Variants in SMTN observed in about 807,000 individuals in gnomAD.
SMTN encodes the protein smoothelin.
A neutral mutation model predicts 102.0 loss-of-function variants in SMTN; 58 were observed. The observed-to-expected ratio is 0.57, with a 90% CI of 0.46 to 0.71. SMTN has a LOEUF of 0.71. SMTN is among the 30% of genes least tolerant of loss of function. The pLI is 0.00. For synonymous variants in SMTN, 478 were observed against 497.9 expected, an observed-to-expected ratio of 0.96 and a Z score of 0.53; for missense variants, 1,185 against 1,241.7, an observed-to-expected ratio of 0.95 and a Z score of 0.69.
intron 11 of SMTN, 50 bp downstream of exon 11, chr22:31,091,897 C>T (rs2043169668): frequency 1.4e-6 from 2 of 1,474,364 alleles, no homozygotes; most frequent in East Asian, 2.5e-5. Flanking sequence ...GCCTCACATA[C>T]ACTGCTTCAG....
rs2044045020 is a variant in SMTN, at chr22:31,101,024, T to G, written c.2743T>G (p.Ser915Ala). ...GAAGGGGCTGGTAAAAACCAAAAAGTCCTAACCCCTGCTCGGGGCCCCACG... is the reference window on the plus strand; with the variant it reads ...GAAGGGGCTGGTAAAAACCAAAAAGGCCTAACCCCTGCTCGGGGCCCCACG... The part of the protein sequence containing the change: ...VQKGLVKTKK[S>A] Residue 915 changes from serine (S) to alanine (A), a missense_variant, in exon 20 of 21, where the codon TCC becomes GCC. Physicochemically the swap from Ser to Ala is moderately conservative, Grantham distance 99. Coordinates refer to ENST00000333137, the MANE Select transcript of SMTN (RefSeq NM_134269.3). The G allele has an allele frequency of 6.2e-7, 1 of 1,609,712 alleles. No individual in the cohort carries two copies. Among genetic ancestry groups the G allele is most frequent in the Non-Finnish European group, 8.5e-7 (1 of 1,177,444 alleles).
In SMTN at chr22:31,103,912, G is replaced by A. The variant is rs571920727; in HGVS notation, c.*21-404G>A. 9 of 202,852 alleles carry A rather than the reference G, an allele frequency of 4.4e-5. No individual in the cohort carries two copies. The South Asian group carries it at 1.0e-3, about 23-fold the overall frequency. The allele number at this position is 202,852 out of a possible 1,614,324, so 12.6% of individuals were successfully genotyped here. A position where few individuals can be genotyped will look rare whatever the true frequency, so the allele number is the denominator to read the frequency against. On this transcript the variant is annotated intron_variant, in intron 20 of 20. Coordinates refer to ENST00000333137, the MANE Select transcript of SMTN (RefSeq NM_134269.3). ...CCATAGATAAAGATTGGCCAGTGAT[G>A]AAGCCCATCTGGGTGCAAAGGCCGA...
At chr22:31,084,902 G>T in intron 2 of SMTN, 1 of 1,259,034 alleles carries the variant, frequency 7.9e-7, no homozygotes, top group South Asian at 2.0e-5. Flanking sequence ...CGCTGGCCTC[G>T]TGGCAAGAAC....
Position 31,096,862 on chromosome 22 carries a change from G to A in SMTN, c.1991G>A (p.Ser664Asn). The A allele has an allele frequency of 1.9e-6, 3 of 1,580,974 alleles. No homozygotes were observed. The highest frequency in any genetic ancestry group is 2.6e-6 in the Non-Finnish European group (3 of 1,160,774). The change falls in exon 14 of 21, where the codon AGC (serine) becomes AAC (asparagine). Residue 664 changes from serine (S) to asparagine (N), a missense_variant. Around this residue, in one of 2 missense-constraint regions of SMTN, gnomAD observed 1,096 missense variants for 1,112.7 expected, o/e 0.98. Coordinates refer to ENST00000333137, the MANE Select transcript of SMTN (RefSeq NM_134269.3). The stretch of plus-strand genomic sequence containing the variant: ...CGGGCAGCTGATGGCTCTGCTGTCA[G>A]CACTGTTACCAAGACTGAGCGGCTC... Reference protein sequence around the residue: ...SQRAADGSAVSTVTKTERLVH... With the variant: ...SQRAADGSAVNTVTKTERLVH...
intron 1 of SMTN, among the ~76,000 whole-genome samples, chr22:31,072,525 G>A (rs1032133607): frequency 2.6e-5 from 4 of 151,570 alleles, no homozygotes; most frequent in African/African-American, 7.3e-5. Flanking sequence ...GGCAATGCAC[G>A]ATCTCAGTTC....
chr22:31,088,268 T>TGTGG, intron 3 of SMTN, 155 bp downstream of exon 3: 1 of 971,236 alleles, frequency 1.0e-6, no homozygotes, highest in East Asian at 2.6e-5. Flanking sequence ...CAGAGATGTT[T>TGTGG]GTGGGCATGG....
rs767644612 is a variant in SMTN, at chr22:31,088,684, G to A, written c.295-15G>A. 1 of 1,613,958 alleles carries A rather than the reference G, an allele frequency of 6.2e-7. No homozygotes were observed. Among genetic ancestry groups the A allele is most frequent in the Non-Finnish European group, 8.5e-7 (1 of 1,179,910 alleles). On this transcript the variant is annotated splice_polypyrimidine_tract_variant and intron_variant, in intron 4 of 20. Transcript: ENST00000333137. ...CTCCACAGCCCAACACCCGCGACCT[G>A]TCTCTTACCCACAGTTGCGAAGCGC...
chr22:31,104,266 C>T (rs2044321073), intron 20 of SMTN, 50 bp from the exon 21 acceptor site: 8 of 1,600,054 alleles, frequency 5.0e-6, no homozygotes, highest in African/African-American at 4.0e-5. Flanking sequence ...AGGGGCGCCA[C>T]GAGAGGCGGG....
At chr22:31,092,647 C>T (rs911490138) in intron 11 of SMTN, 6 of 436,438 alleles carry the variant, frequency 1.4e-5, no homozygotes, top group Admixed American at 4.9e-5. Flanking sequence ...AATAAAGCAC[C>T]CTTCCTTTCC....
chr22:31,082,729 G>A, intron 1 of SMTN: 2 of 770,288 alleles, frequency 2.6e-6, no homozygotes, highest in Non-Finnish European at 4.2e-6. Flanking sequence ...AGAACTACGG[G>A]TTCAGCCCAC....
In SMTN at chr22:31,088,569, T is replaced by C. The variant is rs1456215900; in HGVS notation, c.257T>C (p.Leu86Pro). The C allele has an allele frequency of 1.9e-6, 3 of 1,613,744 alleles. No homozygotes were observed. Among genetic ancestry groups the C allele is most frequent in the Non-Finnish European group, 1.7e-6 (2 of 1,179,914 alleles). The change falls in exon 4 of 21, where the codon CTG becomes CCG. Residue 86 changes from leucine (L) to proline (P), a missense_variant. Physicochemically the swap from Leu to Pro is moderately conservative, Grantham distance 98. Coordinates refer to ENST00000333137, the MANE Select transcript of SMTN (RefSeq NM_134269.3). ...RAALARLAGQ[L>P]ESMNDVEELT... The stretch of plus-strand genomic sequence containing the variant: ...GCCCTGGCACGGCTGGCAGGGCAGC[T>C]GGAGTCCATGAACGATGTGGAGGAA...
In SMTN at chr22:31,090,125, A is replaced by G. The variant is rs765481007; in HGVS notation, c.810A>G (p.Lys270=). ...QVVNKLLSGP[K]ETPAAQSPTR... is the part of the protein sequence containing the mutation. ...CCTTGCAGCTTCTGTCTGGCCCCAA[A>G]GAGACCCCTGCTGCCCAGAGCCCCA... The change falls in exon 8 of 21, where the codon AAA becomes AAG. Residue 270 remains lysine (K), a synonymous_variant. Coordinates refer to ENST00000333137, the MANE Select transcript of SMTN (RefSeq NM_134269.3). 63 of 1,612,540 alleles carry G rather than the reference A, an allele frequency of 3.9e-5. No individual in the cohort carries two copies. The highest frequency in any genetic ancestry group is 5.0e-5 in the Non-Finnish European group (59 of 1,179,314).
At chr22:31,092,434 C>A (rs1408068815) in intron 11 of SMTN, 3 of 471,104 alleles carry the variant, frequency 6.4e-6, no homozygotes, top group Non-Finnish European at 1.3e-5. Context: ...GAACTGAATA[C>A]GCAGCACCCT....
At position 31,083,266 on chromosome 22, in the gene SMTN, A is replaced by G; in HGVS notation, c.8A>G (p.Asp3Gly). Residue 3 changes from aspartate to glycine, a missense_variant, in exon 2 of 21, where the codon GAC becomes GGC. This residue lies in a region of SMTN where 1,096 missense variants were observed against 1,112.7 expected (regional missense o/e 0.98). Coordinates refer to ENST00000333137, the MANE Select transcript of SMTN (RefSeq NM_134269.3). Reference sequence around the variant, plus strand: ...GAGCTAGGGGCCAGCGAGATGGCGGACGAGGCCTTAGCTGGGCTGGATGAG... The same window carrying G: ...GAGCTAGGGGCCAGCGAGATGGCGGGCGAGGCCTTAGCTGGGCTGGATGAG... MA[D>G]EALAGLDEGA... The G allele has an allele frequency of 1.3e-6, 2 of 1,596,304 alleles. No homozygotes were observed. The highest frequency in any genetic ancestry group is 1.7e-6 in the Non-Finnish European group (2 of 1,173,946).
In SMTN at chr22:31,089,889, C is replaced by G; in HGVS notation, c.662C>G (p.Ala221Gly). ...PASPEPPLEP[A>G]EAQCLTAEVP... ...TCTCCTGAGCCTCCATTGGAGCCTG[C>G]CGAGGCCCAGTGCCTTACAGCTGAG... Residue 221 changes from alanine to glycine, a missense_variant, in exon 7 of 21, where the codon GCC becomes GGC. Physicochemically the swap from Ala to Gly is moderately conservative, Grantham distance 60. Around this residue, in one of 2 missense-constraint regions of SMTN, gnomAD observed 1,096 missense variants for 1,112.7 expected, o/e 0.98. Coordinates refer to ENST00000333137, the MANE Select transcript of SMTN (RefSeq NM_134269.3). The G allele has an allele frequency of 6.2e-7, 1 of 1,613,616 alleles. No homozygotes were observed. The highest frequency in any genetic ancestry group is 1.1e-5 in the South Asian group (1 of 91,038).
At chr22:31,099,601 C>T in intron 18 of SMTN, 144 bp from the exon 19 acceptor site, 1 of 832,938 alleles carries the variant, frequency 1.2e-6, no homozygotes, top group Non-Finnish European at 1.8e-6. Flanking sequence ...GGAGGAGGCT[C>T]ATGTTCCAAC....
intron 11 of SMTN, chr22:31,093,902 G>A (rs2043355167): frequency 1.4e-6 from 2 of 1,468,332 alleles, no homozygotes; most frequent in Non-Finnish European, 1.8e-6. Context: ...TTGGTGGGAG[G>A]GGTAGTTTTG....
In SMTN at chr22:31,095,369, C is replaced by T. The variant is rs1015118892; in HGVS notation, c.1699C>T (p.Arg567Ter). The T allele has an allele frequency of 4.3e-6, 7 of 1,614,076 alleles. No homozygotes were observed. Among genetic ancestry groups the T allele is most frequent in the Non-Finnish European group, 5.1e-6 (6 of 1,180,044 alleles). The change falls in exon 12 of 21, where the codon CGA (arginine) becomes TGA (stop). Residue 567 changes from arginine to a stop codon, truncating the protein, a stop_gained. Transcript: ENST00000333137. LOFTEE classifies it high-confidence loss of function. The surrounding 1 kb of genome is among the most constrained non-coding windows in gnomAD (Gnocchi z 4.1). Reference sequence around the variant, plus strand: ...AGCGGCCAATGGGGCTGAGCAGACCCGAGTGAACAAAGCACCAGAAGGGCG... The same window carrying T: ...AGCGGCCAATGGGGCTGAGCAGACCTGAGTGAACAAAGCACCAGAAGGGCG... ...VEAANGAEQT[R>*]VNKAPEGRSP...
chr22:31,091,092 A>G lies in SMTN; in HGVS notation c.1069A>G (p.Ser357Gly). ...LQDGTPQAAL[S>G]PLTPARLLGP... is the part of the protein sequence containing the mutation. Reference sequence around the variant, plus strand: ...GGATGGCACACCCCAGGCTGCCCTAAGTCCCCTGACCCCCGCAAGGCTCCT... The same window carrying G: ...GGATGGCACACCCCAGGCTGCCCTAGGTCCCCTGACCCCCGCAAGGCTCCT... The change falls in exon 10 of 21, where the codon AGT (serine) becomes GGT (glycine). Residue 357 changes from serine to glycine, a missense_variant. By Grantham distance (56) the Ser-to-Gly change is moderately conservative. Transcript: ENST00000333137. 6.2e-7 allele frequency: 1 copy of G among 1,613,920 alleles called. No individual in the cohort carries two copies. The highest frequency in any genetic ancestry group is 8.5e-7 in the Non-Finnish European group (1 of 1,179,940).
Sources: gnomAD v4.1 joint callset for allele counts (sites outside exome capture counted in the v4.1 genomes callset) on GRCh38, gnomAD v4.1.1 for gene constraint, gnomAD v4.1.1 regional missense constraint, Gnocchi (gnomAD v3.1) non-coding constraint, MANE v1.5 for transcripts, NCBI Gene and HGNC (gene_info 2026-07-23, HGNC 2026-07-21) for gene names.